The following MYO1D variants were observed in gnomAD, a reference collection of about 807,000 sequenced individuals.
MYO1D encodes the protein myosin ID.
A neutral mutation model predicts 122.0 loss-of-function variants in MYO1D; 83 were observed. The observed-to-expected ratio is 0.68, with a 90% confidence interval of 0.57 to 0.82. The LOEUF (loss-of-function observed/expected upper bound fraction) is 0.82. MYO1D is among the 40% of genes least tolerant of loss of function. MYO1D has a pLI of 0.00. For synonymous variants in MYO1D, 464 were observed against 446.9 expected, an observed-to-expected ratio of 1.04 and a Z score of -0.48; for missense variants, 1,157 against 1,269.5, an observed-to-expected ratio of 0.91 and a Z score of 1.35.
At chr17:32,716,049 T>C (rs2089441012) in intron 15 of MYO1D, among the ~76,000 whole-genome samples, 1 of 151,644 alleles carries the variant, frequency 6.6e-6, no homozygotes, top group East Asian at 1.9e-4. Flanking sequence ...TCAGAGTAGT[T>C]TTCTAAAAAG....
At position 32,516,473 on chromosome 17, in the gene MYO1D, G is replaced by A. The variant is rs527397528; in HGVS notation, c.2865-21558C>T. Among the ~76,000 whole-genome samples the A allele has an allele frequency of 9.8e-5, 15 of 152,290 alleles. No individual in the cohort carries two copies. In the South Asian group the frequency reaches 3.1e-3, roughly 32 times the overall value. Reference sequence around the variant, plus strand: ...GAGCTTGCTGGCTGGGAAAGTGTGGGTTCTCTCAGGCCACATTTCCCCTTT... The same window carrying A: ...GAGCTTGCTGGCTGGGAAAGTGTGGATTCTCTCAGGCCACATTTCCCCTTT... On this transcript the variant is annotated intron_variant, in intron 21 of 21. Transcript: ENST00000318217.
chr17:32,676,696 G>T (rs376589642), intron 16 of MYO1D, among the ~76,000 whole-genome samples: 2 of 152,122 alleles, frequency 1.3e-5, no homozygotes. Context: ...AGAGACGGCT[G>T]AATAGAGGTT....
At chr17:32,620,549 C>G (rs560979213) in intron 20 of MYO1D, among the ~76,000 whole-genome samples, 2 of 152,112 alleles carry the variant, frequency 1.3e-5, no homozygotes, top group African/African-American at 2.4e-5. Flanking sequence ...CCAGGGAACC[C>G]CCCCCTGCCA....
chr17:32,733,392 C>G (rs776092799), intron 14 of MYO1D, among the ~76,000 whole-genome samples: 4 of 152,188 alleles, frequency 2.6e-5, no homozygotes, highest in Non-Finnish European at 5.9e-5. Context: ...GAGGCTTTTT[C>G]AAGCTACCCA....
intron 1 of MYO1D, among the ~76,000 whole-genome samples, chr17:32,861,025 G>A (rs1473941294): frequency 6.6e-6 from 1 of 150,478 alleles, no homozygotes; most frequent in African/African-American, 2.5e-5. Flanking sequence ...AAACAACTCT[G>A]TTATACTATA....
At chr17:32,671,797 G>A (rs1339347038) in intron 16 of MYO1D, among the ~76,000 whole-genome samples, 2 of 152,156 alleles carry the variant, frequency 1.3e-5, no homozygotes, top group African/African-American at 4.8e-5. Context: ...CCTGCACTGA[G>A]TTATATATAA....
chr17:32,773,380 T>C (rs1043784773), intron 4 of MYO1D, among the ~76,000 whole-genome samples: 1 of 152,208 alleles, frequency 6.6e-6, no homozygotes, highest in African/African-American at 2.4e-5. Flanking sequence ...AGTCTTCCCT[T>C]GGTGTTTAAT....
At position 32,876,876 on chromosome 17, in the gene MYO1D, G is replaced by A. The variant is rs367611284; in HGVS notation, c.-4C>T. The stretch of plus-strand genomic sequence containing the variant: ...CCAGGCTCTCCTGCTCCGCCATGGC[G>A]CCAGCGCGGGGGCTCAGGTGGGCGC... On this transcript the variant is annotated 5_prime_UTR_variant, in exon 1 of 22. Coordinates refer to ENST00000318217, the MANE Select transcript of MYO1D (RefSeq NM_015194.3). 68 of 1,478,196 alleles carry A rather than the reference G, an allele frequency of 4.6e-5. 2 individuals are homozygous for A. In the South Asian group the frequency reaches 7.9e-4, roughly 17 times the overall value. The allele number at this position is 1,478,196 out of a possible 1,614,324, so 91.6% of individuals were successfully genotyped here. A position where few individuals can be genotyped will look rare whatever the true frequency, so the allele number is the denominator to read the frequency against.
intron 1 of MYO1D, among the ~76,000 whole-genome samples, chr17:32,844,904 C>T (rs1290796657): frequency 6.6e-6 from 1 of 151,754 alleles, no homozygotes; most frequent in African/African-American, 2.4e-5. Context: ...GTATTATATT[C>T]ATAATTAGAA....
chr17:32,591,439 A>G (rs11080182), intron 21 of MYO1D, among the ~76,000 whole-genome samples: 46,394 of 151,950 alleles, frequency 0.31, 7,321 homozygotes, highest in South Asian at 0.38. Context: ...ATTGCTTAGA[A>G]TGACAGGCGG....
chr17:32,626,211 G>A (rs932746518), intron 20 of MYO1D, among the ~76,000 whole-genome samples: 1 of 152,196 alleles, frequency 6.6e-6, no homozygotes, highest in African/African-American at 2.4e-5. Context: ...CATGGGAGGT[G>A]CTCCAAAATG....
intron 14 of MYO1D, among the ~76,000 whole-genome samples, chr17:32,730,108 C>T (rs2089620254): frequency 6.8e-6 from 1 of 147,994 alleles, no homozygotes. Context: ...AGGGAGGATT[C>T]TTTGTTTTTA....
intron 1 of MYO1D, among the ~76,000 whole-genome samples, chr17:32,824,515 G>A (rs535369610): frequency 3.9e-5 from 6 of 152,238 alleles, no homozygotes; most frequent in East Asian, 1.9e-4. Context: ...TGCCAGGCAC[G>A]TCCCCCAAAT....
intron 21 of MYO1D, among the ~76,000 whole-genome samples, chr17:32,564,917 G>A (rs189816233): frequency 6.6e-5 from 10 of 152,198 alleles, no homozygotes; most frequent in Admixed American, 3.9e-4. Context: ...TCACAATTAC[G>A]TTAAACAGTC....
chr17:32,751,809 C>A (rs1247473056), intron 11 of MYO1D, among the ~76,000 whole-genome samples: 1 of 152,126 alleles, frequency 6.6e-6, no homozygotes, highest in African/African-American at 2.4e-5. Context: ...ATACAATGCT[C>A]ATGGATTGGA....
intron 20 of MYO1D, among the ~76,000 whole-genome samples, chr17:32,613,867 T>C (rs2087737041): frequency 1.3e-5 from 2 of 150,446 alleles, no homozygotes; most frequent in South Asian, 4.2e-4. Context: ...ATTTATGTAT[T>C]ATCCGTGTGC....
intron 21 of MYO1D, among the ~76,000 whole-genome samples, chr17:32,552,165 T>C (rs1159181160): frequency 6.6e-6 from 1 of 152,204 alleles, no homozygotes; most frequent in Non-Finnish European, 1.5e-5. Context: ...AGCCTCAGCC[T>C]CCTGGACTCA....
intron 11 of MYO1D, among the ~76,000 whole-genome samples, chr17:32,753,211 G>C (rs1376913259): frequency 6.6e-6 from 1 of 151,524 alleles, no homozygotes; most frequent in East Asian, 1.9e-4. Context: ...GCATATGCAT[G>C]AACACAAAGA....
At chr17:32,566,582 C>G (rs1350986283) in intron 21 of MYO1D, among the ~76,000 whole-genome samples, 1 of 151,856 alleles carries the variant, frequency 6.6e-6, no homozygotes, top group Non-Finnish European at 1.5e-5. Context: ...TGAGTAGCCA[C>G]TGAAGGAGGG....
Sources: gnomAD v4.1 joint callset for allele counts (sites outside exome capture counted in the v4.1 genomes callset) on GRCh38, gnomAD v4.1.1 for gene constraint, MANE v1.5 for transcripts, NCBI Gene and HGNC (gene_info 2026-07-23, HGNC 2026-07-21) for gene names.